The following ATP13A3 variants were observed in gnomAD, a reference collection of about 807,000 sequenced individuals.
ATP13A3 encodes polyamine-transporting ATPase 13A3.
A neutral mutation model predicts 158.1 loss-of-function variants in ATP13A3; 59 were observed. The observed-to-expected ratio is 0.37, with a 90% CI of 0.30 to 0.46. ATP13A3 has a LOEUF of 0.46. Among genes scored for constraint, ATP13A3 ranks in the 20% least tolerant of loss-of-function variants. ATP13A3 has a pLI of 1.00. For synonymous variants in ATP13A3, 491 were observed against 504.3 expected (o/e 0.97, Z 0.35); for missense variants, 1,166 against 1,525.2 (o/e 0.76, Z 3.92).
intron 15 of ATP13A3, among the ~76,000 whole-genome samples, chr3:194,444,270 A>T (rs9288745): frequency 6.6e-6 from 1 of 152,122 alleles, no homozygotes; most frequent in East Asian, 1.9e-4. Flanking sequence ...AAGAAGAAAA[A>T]ACAGAATTGT....
chr3:194,455,039 T>C (rs1452666980), intron 8 of ATP13A3, among the ~76,000 whole-genome samples: 1 of 152,234 alleles, frequency 6.6e-6, no homozygotes, highest in Non-Finnish European at 1.5e-5. Context: ...CCAATTACTG[T>C]GCTCTGGGCT....
intron 32 of ATP13A3, among the ~76,000 whole-genome samples, chr3:194,413,465 G>A (rs1715584776): frequency 6.6e-6 from 1 of 152,112 alleles, no homozygotes; most frequent in African/African-American, 2.4e-5. Context: ...TGGTTCATCA[G>A]TTTCATGGGC....
At position 194,431,576 on chromosome 3, in the gene ATP13A3, C is replaced by G. The variant is rs1163894156; in HGVS notation, c.2421+141G>C. ...TGGGTCTGTCCCAGTCCTAATGAAA[C>G]ATAATCTCTGAAAAAATAGCCCTGA... On this transcript the variant is annotated intron_variant, in intron 22 of 33. Transcript: ENST00000645319. 4 of 873,688 alleles carry G rather than the reference C, an allele frequency of 4.6e-6. No individual in the cohort carries two copies. In the East Asian group the frequency reaches 1.2e-4, roughly 27 times the overall value. 54.1% of individuals were successfully genotyped at this position (873,688 alleles called of 1,614,324 possible).
chr3:194,446,892 G>C, intron 14 of ATP13A3, 35 bp downstream of exon 14: 12 of 1,524,574 alleles, frequency 7.9e-6, no homozygotes, highest in Non-Finnish European at 8.9e-6. Flanking sequence ...ACGCTACGAA[G>C]TAACCTTTGA....
chr3:194,479,916 G>A (rs779281626), intron 2 of ATP13A3, among the ~76,000 whole-genome samples: 1 of 151,982 alleles, frequency 6.6e-6, no homozygotes, highest in African/African-American at 2.4e-5. Context: ...AATGTATATC[G>A]GAGATACATG....
intron 2 of ATP13A3, among the ~76,000 whole-genome samples, chr3:194,472,400 A>G (rs1325844387): frequency 6.6e-6 from 1 of 152,218 alleles, no homozygotes; most frequent in South Asian, 2.1e-4. Flanking sequence ...AATAATTTCT[A>G]CAATAAGTAT....
chr3:194,459,314 A>T, intron 6 of ATP13A3, 157 bp downstream of exon 6: 3 of 621,134 alleles, frequency 4.8e-6, no homozygotes, highest in Non-Finnish European at 8.6e-6. Context: ...ATGGCTAATG[A>T]GCCTTCAAAC....
intron 2 of ATP13A3, among the ~76,000 whole-genome samples, chr3:194,474,542 ATAAGCCTAAT>A (rs1173008104): frequency 6.6e-6 from 1 of 152,244 alleles, no homozygotes; most frequent in Non-Finnish European, 1.5e-5. Flanking sequence ...CAAATGATAA[ATAAGCCTAAT>A]TCCCCCAAAC....
chr3:194,492,108 C>G (rs1341296738), intron 2 of ATP13A3, among the ~76,000 whole-genome samples: 4 of 152,108 alleles, frequency 2.6e-5, no homozygotes, highest in African/African-American at 9.7e-5. Context: ...AGGATGTAAC[C>G]TGCCCACCAC....
At chr3:194,473,518 A>C (rs939500176) in intron 2 of ATP13A3, among the ~76,000 whole-genome samples, 3 of 151,630 alleles carry the variant, frequency 2.0e-5, no homozygotes, top group Non-Finnish European at 4.4e-5. Context: ...GAGCAACCTT[A>C]TATATTGGTC....
At chr3:194,428,185 C>T (rs1716948273) in intron 28 of ATP13A3, among the ~76,000 whole-genome samples, 1 of 147,590 alleles carries the variant, frequency 6.8e-6, no homozygotes, top group South Asian at 2.1e-4. Context: ...CGTGCCACTG[C>T]ACTCCAGCCT....
At chr3:194,423,279 C>A (rs1414726694) in intron 30 of ATP13A3, among the ~76,000 whole-genome samples, 1 of 152,186 alleles carries the variant, frequency 6.6e-6, no homozygotes. Flanking sequence ...AAGCAAAAAA[C>A]TCTAAAGAGA....
intron 7 of ATP13A3, 78 bp downstream of exon 7, chr3:194,457,016 T>C (rs1354658147): frequency 6.1e-6 from 6 of 988,946 alleles, no homozygotes; most frequent in Non-Finnish European, 7.8e-6. Flanking sequence ...TGTACAACTA[T>C]ATGGTAAAGG....
In ATP13A3 at chr3:194,406,320, C is replaced by T. The variant is rs13324377; in HGVS notation, c.3574-204G>A. ...TGGCTCATGTCCGAAATCCCAGCAT[C>T]TTGGGAGGTCGAGGTGGGAGGACTG... On this transcript the variant is annotated intron_variant, in intron 33 of 33. Transcript: ENST00000645319. 0.37 allele frequency among the ~76,000 whole-genome samples: 56,066 copies of T among 151,956 alleles called. 14,484 individuals carry two copies. The highest frequency in any genetic ancestry group is 0.74 in the African/African-American group (30,529 of 41,408).
At chr3:194,478,794 G>C (rs933229924) in intron 2 of ATP13A3, among the ~76,000 whole-genome samples, 6 of 152,154 alleles carry the variant, frequency 3.9e-5, no homozygotes, top group African/African-American at 1.4e-4. Context: ...CTTGTGCAAT[G>C]CAACAGCACA....
At chr3:194,477,153 C>A (rs1182473839) in intron 2 of ATP13A3, among the ~76,000 whole-genome samples, 1 of 152,192 alleles carries the variant, frequency 6.6e-6, no homozygotes, top group African/African-American at 2.4e-5. Context: ...CTTAGTCTGG[C>A]TAAAGAGCTC....
rs1225944724 is a variant in ATP13A3 at position 194,486,916 on chromosome 3, G to C, written c.-439C>G. The C allele has an allele frequency of 1.3e-5, 2 of 152,316 alleles. No individual in the cohort carries two copies. The highest frequency in any genetic ancestry group is 6.5e-5 in the Admixed American group (1 of 15,290). The allele number at this position is 152,316 out of a possible 1,614,324, so 9.4% of individuals were successfully genotyped here. Reference sequence around the variant, plus strand: ...GCCCCCCCGCCGCCAGCGACGTAGAGAACCCCCCTCCCCTCCGCGGCGGCG... The same window carrying C: ...GCCCCCCCGCCGCCAGCGACGTAGACAACCCCCCTCCCCTCCGCGGCGGCG... On this transcript the variant is annotated 5_prime_UTR_variant, in exon 1 of 34. Coordinates refer to ENST00000645319, the MANE Select transcript of ATP13A3 (RefSeq NM_001367549.1).
rs891819060 is a variant in ATP13A3, at chr3:194,464,076, G to C, written c.-46-1840C>G. ...CTCAGGAGGCTGAGGTGAGAGAATTGCTTGAACCCAGGAGGCGGAGGTTGT... is the reference window on the plus strand; with the variant it reads ...CTCAGGAGGCTGAGGTGAGAGAATTCCTTGAACCCAGGAGGCGGAGGTTGT... On this transcript the variant is annotated intron_variant, in intron 2 of 33. Transcript: ENST00000645319. Among the ~76,000 whole-genome samples the C allele has an allele frequency of 1.1e-4, 16 of 152,266 alleles. No individual in the cohort carries two copies. In the South Asian group the frequency reaches 3.3e-3, roughly 32 times the overall value.
chr3:194,421,281 C>A (rs575660403), intron 30 of ATP13A3, among the ~76,000 whole-genome samples: 1 of 144,474 alleles, frequency 6.9e-6, no homozygotes, highest in Admixed American at 7.0e-5. Flanking sequence ...GGGCTGGGCA[C>A]GGTGGCTCAC....
Sources: gnomAD v4.1 joint callset for allele counts (sites outside exome capture counted in the v4.1 genomes callset) on GRCh38, gnomAD v4.1.1 for gene constraint, MANE v1.5 for transcripts, NCBI Gene and HGNC (gene_info 2026-07-23, HGNC 2026-07-21) for gene names.